KCTD8: variants seen among roughly 807,000 people sequenced by gnomAD.
KCTD8 encodes the protein BTB/POZ domain-containing protein KCTD8.
Under a neutral mutation model 31.5 loss-of-function variants are expected in KCTD8, and 27 were observed. The ratio of observed to expected loss-of-function variants is 0.86; its 90% CI spans 0.63 to 1.18. The LOEUF is 1.18. Ranked by LOEUF, KCTD8 falls within the 50% of genes most tolerant of loss-of-function variation. The probability of loss-of-function intolerance (pLI) is 0.00; values close to 1 mark genes in which losing one functional copy is unlikely to be tolerated. For missense variants in KCTD8, 658 were observed against 647.7 expected (o/e 1.02, Z -0.17); for synonymous variants, 290 against 280.0 (o/e 1.04, Z -0.36).
intron 1 of KCTD8, among the ~76,000 whole-genome samples, chr4:44,398,750 G>A (rs1720573002): frequency 6.6e-6 from 1 of 152,172 alleles, no homozygotes. Context: ...CCTGCAGAAT[G>A]AGCCAACTAT....
intron 1 of KCTD8, among the ~76,000 whole-genome samples, chr4:44,178,223 G>A (rs1713274011): frequency 6.6e-6 from 1 of 152,058 alleles, no homozygotes; most frequent in Non-Finnish European, 1.5e-5. Context: ...CATGTAAAAG[G>A]ATCTAGTATA....
chr4:44,266,854 T>A (rs62304818), intron 1 of KCTD8, among the ~76,000 whole-genome samples: 2 of 151,754 alleles, frequency 1.3e-5, no homozygotes, highest in African/African-American at 4.8e-5. Context: ...CTATCCTAAA[T>A]ATATAGGCAC....
intron 1 of KCTD8, among the ~76,000 whole-genome samples, chr4:44,383,025 C>CAA (rs55777307): frequency 4.6e-4 from 69 of 151,116 alleles, no homozygotes; most frequent in African/African-American, 8.0e-4. Context: ...AACTAGCTGA[C>CAA]AAAAAAAACA....
intron 1 of KCTD8, among the ~76,000 whole-genome samples, chr4:44,230,932 G>A (rs1715102010): frequency 6.6e-6 from 1 of 152,064 alleles, no homozygotes. Flanking sequence ...TGATTTCTGA[G>A]CCCATCTGGT....
At chr4:44,210,679 C>T (rs1024082844) in intron 1 of KCTD8, among the ~76,000 whole-genome samples, 2 of 152,106 alleles carry the variant, frequency 1.3e-5, no homozygotes, top group South Asian at 2.1e-4. Context: ...AAATCAATTT[C>T]CTGTAGTAAT....
At chr4:44,205,335 C>T (rs989267017) in intron 1 of KCTD8, among the ~76,000 whole-genome samples, 4 of 152,192 alleles carry the variant, frequency 2.6e-5, no homozygotes, top group South Asian at 4.1e-4. Context: ...TAGTGTGAAA[C>T]GTACCTGTAG....
chr4:44,325,177 G>A lies in KCTD8; in HGVS notation c.961+122386C>T, dbSNP rs550734087. Among the ~76,000 whole-genome samples the A allele has an allele frequency of 1.3e-4, 20 of 152,026 alleles. No homozygotes were observed. The South Asian group carries it at 3.9e-3, about 30-fold the overall frequency. On this transcript the variant is annotated intron_variant, in intron 1 of 1. Coordinates refer to ENST00000360029, the MANE Select transcript of KCTD8 (RefSeq NM_198353.3). The stretch of plus-strand genomic sequence containing the variant: ...AATATCTAGCCACAGCTATTTCTTT[G>A]GTGGTTTGGGTGGAAGCTGGATGTG...
chr4:44,237,469 G>T (rs941392671), intron 1 of KCTD8, among the ~76,000 whole-genome samples: 1 of 152,166 alleles, frequency 6.6e-6, no homozygotes, highest in Non-Finnish European at 1.5e-5. Flanking sequence ...CTGTAGTTCT[G>T]AGTGAGTAAA....
At position 44,287,190 on chromosome 4, in the gene KCTD8, G is replaced by A. The variant is rs547599935; in HGVS notation, c.962-111940C>T. ...CCAGCACTTTGGGAGACCGAAGGAG[G>A]AGGAATGCTTGAGCCCATGAGTTCA... On this transcript the variant is annotated intron_variant, in intron 1 of 1. Coordinates refer to ENST00000360029, the MANE Select transcript of KCTD8 (RefSeq NM_198353.3). Among the ~76,000 whole-genome samples the A allele has an allele frequency of 2.0e-5, 3 of 152,240 alleles. No individual in the cohort carries two copies. In the East Asian group the frequency reaches 5.8e-4, roughly 29 times the overall value.
chr4:44,363,795 T>C (rs752840502), intron 1 of KCTD8, among the ~76,000 whole-genome samples: 1 of 152,098 alleles, frequency 6.6e-6, no homozygotes, highest in Non-Finnish European at 1.5e-5. Context: ...TATGTCTTGG[T>C]ATCAGTAACA....
chr4:44,217,138 C>G (rs1026882497), intron 1 of KCTD8, among the ~76,000 whole-genome samples: 2 of 152,044 alleles, frequency 1.3e-5, no homozygotes, highest in African/African-American at 4.8e-5. Context: ...TAGTTCTCAC[C>G]AGGGCTTTCA....
chr4:44,424,150 C>CG (rs1560451419), intron 1 of KCTD8, among the ~76,000 whole-genome samples: 1 of 151,992 alleles, frequency 6.6e-6, no homozygotes, highest in African/African-American at 2.4e-5. Flanking sequence ...GTAAAATCAA[C>CG]GGGGTGACAA....
At chr4:44,290,748 A>T (rs920143023) in intron 1 of KCTD8, among the ~76,000 whole-genome samples, 1 of 152,106 alleles carries the variant, frequency 6.6e-6, no homozygotes, top group African/African-American at 2.4e-5. Flanking sequence ...AGATTAAAAA[A>T]TTCTATGAAA....
chr4:44,444,949 A>T (rs1325231633), intron 1 of KCTD8, among the ~76,000 whole-genome samples: 1 of 152,102 alleles, frequency 6.6e-6, no homozygotes, highest in African/African-American at 2.4e-5. Flanking sequence ...ATATTTGCTG[A>T]AAAAAAGGGT....
At chr4:44,385,448 G>C (rs1322721699) in intron 1 of KCTD8, among the ~76,000 whole-genome samples, 1 of 151,622 alleles carries the variant, frequency 6.6e-6, no homozygotes, top group East Asian at 1.9e-4. Context: ...CTATTCAATG[G>C]GGAATGCAAA....
intron 1 of KCTD8, among the ~76,000 whole-genome samples, chr4:44,340,955 AT>A (rs1718882239): frequency 6.6e-6 from 1 of 151,794 alleles, no homozygotes; most frequent in African/African-American, 2.4e-5. Flanking sequence ...CATATATAAA[AT>A]GTTTATAAAT....
In KCTD8 at chr4:44,186,781, G is replaced by C. The variant is rs146652275; in HGVS notation, c.962-11531C>G. Among the ~76,000 whole-genome samples, 42 of 152,256 alleles carry C rather than the reference G, an allele frequency of 2.8e-4. No individual in the cohort carries two copies. The East Asian group carries it at 5.8e-3, about 21-fold the overall frequency. ...ATGGGATAGAGAGTTTTTCCTTTTC[G>C]TCTTGGTATTTCCTGAAGCATCACC... On this transcript the variant is annotated intron_variant, in intron 1 of 1. Transcript: ENST00000360029.
At chr4:44,398,423 T>C (rs149689656) in intron 1 of KCTD8, among the ~76,000 whole-genome samples, 92 of 152,264 alleles carry the variant, frequency 6.0e-4, no homozygotes, top group South Asian at 1.9e-3. Context: ...ACACCAATGA[T>C]GATGTATAAG....
intron 1 of KCTD8, among the ~76,000 whole-genome samples, chr4:44,205,193 A>G (rs890915366): frequency 1.2e-4 from 19 of 152,328 alleles, no homozygotes; most frequent in African/African-American, 4.3e-4. Context: ...GGAAAAGGAA[A>G]CACGTAAGAA....
Sources: allele counts gnomAD v4.1 joint callset (sites outside exome capture counted in the v4.1 genomes callset), GRCh38; gene constraint gnomAD v4.1.1; transcripts MANE v1.5; gene names NCBI Gene and HGNC (gene_info 2026-07-23, HGNC 2026-07-21).